CRK: variants seen among roughly 807,000 people sequenced by gnomAD.
The protein encoded by CRK is adapter molecule crk.
In CRK, 4 loss-of-function variants were observed where a neutral mutation model predicts 29.8. The ratio of observed to expected loss-of-function variants is 0.13; its 90% CI spans 0.07 to 0.31. CRK has a LOEUF of 0.31. Ranked by LOEUF, CRK falls within the 10% of genes least tolerant of loss-of-function variation. The pLI, the probability that CRK is intolerant of heterozygous loss-of-function variation, is 1.00. For synonymous variants in CRK, 153 were observed against 164.9 expected, an observed-to-expected ratio of 0.93 and a Z score of 0.55; for missense variants, 274 against 396.5, an observed-to-expected ratio of 0.69 and a Z score of 2.62.
At chr17:1,439,865 G>A (rs1355692460) in intron 1 of CRK, among the ~76,000 whole-genome samples, 5 of 151,688 alleles carry the variant, frequency 3.3e-5, no homozygotes, top group African/African-American at 9.7e-5. Flanking sequence ...AAAAGAAAAT[G>A]AATTTTGTTG....
chr17:1,442,853 C>T (rs1227509688), intron 1 of CRK, among the ~76,000 whole-genome samples: 1 of 151,630 alleles, frequency 6.6e-6, no homozygotes, highest in Admixed American at 6.6e-5. Context: ...GTGATCTGAC[C>T]GCCTTGGCCT....
intron 1 of CRK, among the ~76,000 whole-genome samples, chr17:1,448,832 C>G (rs2073995844): frequency 6.6e-6 from 1 of 151,940 alleles, no homozygotes; most frequent in South Asian, 2.1e-4. Flanking sequence ...CACCTGTAAT[C>G]TCAGCACTTT....
rs774008957 is a variant in CRK at position 1,456,107 on chromosome 17, T to G, written c.11A>C (p.Asn4Thr). The G allele has an allele frequency of 6.5e-7, 1 of 1,548,328 alleles. No homozygotes were observed. Among genetic ancestry groups the G allele is most frequent in the Non-Finnish European group, 8.7e-7 (1 of 1,150,980 alleles). MAG[N>T]FDSEERSSWY... ...GCTACTCCGCTCCTCCGAGTCGAAG[T>G]TGCCCGCCATGGCTGCCTCCGCGCC... is the stretch of plus-strand genomic sequence containing the variant. The change falls in exon 1 of 3, where the codon AAC becomes ACC. Residue 4 changes from asparagine (N) to threonine (T), a missense_variant. This residue lies in a region of CRK where 135 missense variants were observed against 180.9 expected (regional missense o/e 0.75). Coordinates refer to ENST00000300574, the MANE Select transcript of CRK (RefSeq NM_016823.4).
chr17:1,451,477 C>T (rs1287519910), intron 1 of CRK, among the ~76,000 whole-genome samples: 2 of 151,752 alleles, frequency 1.3e-5, no homozygotes, highest in Non-Finnish European at 2.9e-5. Flanking sequence ...AGTGATCCAC[C>T]CTCCTTGGCC....
At chr17:1,447,410 C>T (rs78850701) in intron 1 of CRK, among the ~76,000 whole-genome samples, 80 of 152,218 alleles carry the variant, frequency 5.3e-4, no homozygotes, top group Non-Finnish European at 9.7e-4. Context: ...TTCTCGGTAC[C>T]TGCTCAGCCC....
intron 1 of CRK, among the ~76,000 whole-genome samples, chr17:1,441,005 A>C (rs1472423295): frequency 2.0e-5 from 3 of 151,952 alleles, no homozygotes; most frequent in Non-Finnish European, 4.4e-5. Flanking sequence ...TGCAGACCTC[A>C]GCTGAGTGCA....
chr17:1,444,838 G>A (rs967863559), intron 1 of CRK, among the ~76,000 whole-genome samples: 468 of 125,378 alleles, frequency 3.7e-3, no homozygotes, highest in Middle Eastern at 0.017. Flanking sequence ...CATCTCAAAA[G>A]AAAAAAAAAA....
At chr17:1,455,074 G>C (rs1197304480) in intron 1 of CRK, among the ~76,000 whole-genome samples, 1 of 152,172 alleles carries the variant, frequency 6.6e-6, no homozygotes, top group East Asian at 1.9e-4. Context: ...ACAGGGAAGG[G>C]TCTGTTTCCA....
At chr17:1,455,807 C>G (rs990099276) in intron 1 of CRK, 70 bp downstream of exon 1, 5 of 1,412,768 alleles carry the variant, frequency 3.5e-6, no homozygotes, top group Non-Finnish European at 4.6e-6. Flanking sequence ...CTCTCGAGGA[C>G]CAGCCAGCCA....
chr17:1,440,636 G>A (rs531825120), intron 1 of CRK, among the ~76,000 whole-genome samples: 107 of 152,112 alleles, frequency 7.0e-4, no homozygotes, highest in Admixed American at 1.5e-3. Flanking sequence ...AAAACAAGCC[G>A]GGCACGTGGC....
Position 1,423,518 on chromosome 17 carries a change from T to A in CRK, c.910A>T (p.Ser304Cys). ...GCAAAACTGTTGAACTATACTCAGCTGAAGTCCTCATCGGGATTCTGTTGA... is the reference window on the plus strand; with the variant it reads ...GCAAAACTGTTGAACTATACTCAGCAGAAGTCCTCATCGGGATTCTGTTGA... ...LDQQNPDEDFS is the reference protein window; with the variant it reads ...LDQQNPDEDFC Residue 304 changes from serine (S) to cysteine (C), a missense_variant, in exon 3 of 3, where the codon AGC becomes TGC. Physicochemically the swap from Ser to Cys is moderately radical, Grantham distance 112 (BLOSUM62 -1). Around this residue, in one of 3 missense-constraint regions of CRK, gnomAD observed 121 missense variants for 154.3 expected, o/e 0.78. Transcript: ENST00000300574. 1 of 1,613,794 alleles carries A rather than the reference T, an allele frequency of 6.2e-7. No homozygotes were observed. Among genetic ancestry groups the A allele is most frequent in the Non-Finnish European group, 8.5e-7 (1 of 1,179,922 alleles).
chr17:1,437,820 A>ATTTTTTTTTTTT (rs34817166), intron 1 of CRK, among the ~76,000 whole-genome samples: 1 of 136,736 alleles, frequency 7.3e-6, no homozygotes. Context: ...TGACAAGCTA[A>ATTTTTTTTTTTT]TTTTTTTTTT....
intron 2 of CRK, 24 bp from the exon 3 acceptor site, chr17:1,423,674 C>T (rs1163906381): frequency 1.2e-6 from 2 of 1,611,814 alleles, no homozygotes; most frequent in Admixed American, 3.3e-5. Context: ...ATAAGGAGAG[C>T]ACTTTATTTC....
At chr17:1,439,018 G>A (rs1396199241) in intron 1 of CRK, among the ~76,000 whole-genome samples, 1 of 151,574 alleles carries the variant, frequency 6.6e-6, no homozygotes, top group Admixed American at 6.6e-5. Flanking sequence ...ATTTTTTGTA[G>A]AGATGGGGTT....
intron 1 of CRK, among the ~76,000 whole-genome samples, chr17:1,438,550 C>T (rs1004226820): frequency 6.6e-6 from 1 of 151,684 alleles, no homozygotes; most frequent in Non-Finnish European, 1.5e-5. Context: ...AATCAATTCC[C>T]GAGATCGTAA....
intron 1 of CRK, among the ~76,000 whole-genome samples, chr17:1,443,084 T>G (rs905429453): frequency 6.6e-6 from 1 of 151,752 alleles, no homozygotes. Context: ...GTTCAAGTGA[T>G]TCTCTTGCCT....
At chr17:1,447,138 G>T (rs1307272772) in intron 1 of CRK, among the ~76,000 whole-genome samples, 1 of 110,758 alleles carries the variant, frequency 9.0e-6, no homozygotes, top group Non-Finnish European at 2.0e-5. Flanking sequence ...CACCATGGCT[G>T]TGTGTTCCGG....
At chr17:1,424,757 C>G (rs902889128) in intron 2 of CRK, 1 of 152,230 alleles carries the variant, frequency 6.6e-6, no homozygotes, top group African/African-American at 2.4e-5. Flanking sequence ...CGCCTGCAAT[C>G]CCAGCACTTG....
At chr17:1,450,389 C>G (rs2074008051) in intron 1 of CRK, among the ~76,000 whole-genome samples, 1 of 151,844 alleles carries the variant, frequency 6.6e-6, no homozygotes. Context: ...CGCCTGTAGT[C>G]CCAGCTGCTC....
Sources: allele counts gnomAD v4.1 joint callset (sites outside exome capture counted in the v4.1 genomes callset), GRCh38; gene constraint gnomAD v4.1.1; regional missense constraint gnomAD v4.1.1; transcripts MANE v1.5; gene names NCBI Gene and HGNC (gene_info 2026-07-23, HGNC 2026-07-21).